Variants in INPP4B observed in about 807,000 individuals in gnomAD.
INPP4B encodes the protein inositol polyphosphate-4-phosphatase type II B.
Under a neutral mutation model 122.5 loss-of-function variants are expected in INPP4B, and 55 were observed. The ratio of observed to expected loss-of-function variants is 0.45; its 90% CI spans 0.36 to 0.56. The LOEUF (loss-of-function observed/expected upper bound fraction) is 0.56, where lower values mean the gene tolerates loss of function less well. Among genes scored for constraint, INPP4B ranks in the 20% least tolerant of loss-of-function variants. The pLI is 0.00. For synonymous variants in INPP4B, 403 were observed against 388.7 expected (o/e 1.04, Z -0.43); for missense variants, 1,000 against 1,097.7 (o/e 0.91, Z 1.26).
chr4:142,253,250 G>C (rs776661522), intron 11 of INPP4B, among the ~76,000 whole-genome samples: 2 of 152,162 alleles, frequency 1.3e-5, no homozygotes, highest in South Asian at 4.1e-4. Flanking sequence ...TGAAGTCCTA[G>C]AACATTACCA....
At chr4:142,325,318 G>A (rs1771907519) in intron 7 of INPP4B, among the ~76,000 whole-genome samples, 1 of 151,400 alleles carries the variant, frequency 6.6e-6, no homozygotes, top group Non-Finnish European at 1.5e-5. Context: ...TGTAACTGGA[G>A]AGGAAAAAAT....
intron 2 of INPP4B, among the ~76,000 whole-genome samples, chr4:142,703,126 A>G (rs1237886848): frequency 6.6e-6 from 1 of 152,152 alleles, no homozygotes; most frequent in East Asian, 1.9e-4. Flanking sequence ...CTTGGTACAG[A>G]ACCTGTTACT....
intron 11 of INPP4B, among the ~76,000 whole-genome samples, chr4:142,246,404 G>C (rs1728844949): frequency 6.6e-6 from 1 of 152,104 alleles, no homozygotes. Flanking sequence ...CCACTTTCAT[G>C]ATATTAATTC....
At chr4:142,558,149 A>G (rs1729621626) in intron 2 of INPP4B, among the ~76,000 whole-genome samples, 2 of 152,186 alleles carry the variant, frequency 1.3e-5, no homozygotes, top group African/African-American at 4.8e-5. Context: ...CTTCTGGAAG[A>G]GCCCACAAGT....
At chr4:142,819,588 GCTGCAAATTCTAT>G (rs1231410210) in intron 1 of INPP4B, among the ~76,000 whole-genome samples, 2 of 152,112 alleles carry the variant, frequency 1.3e-5, no homozygotes, top group Non-Finnish European at 2.9e-5. Context: ...TAATTTTTGT[GCTGCAAATTCTAT>G]CTGCATTCCT....
chr4:142,268,600 A>G (rs1223430061), intron 10 of INPP4B, among the ~76,000 whole-genome samples: 1 of 152,068 alleles, frequency 6.6e-6, no homozygotes, highest in African/African-American at 2.4e-5. Flanking sequence ...TGTGGAAGCA[A>G]TCTTAGTGTC....
chr4:142,141,934 A>T (rs542989625), intron 18 of INPP4B, among the ~76,000 whole-genome samples: 3 of 152,218 alleles, frequency 2.0e-5, no homozygotes, highest in African/African-American at 4.8e-5. Flanking sequence ...GTATCCCAAC[A>T]TAAATCACAA....
intron 2 of INPP4B, among the ~76,000 whole-genome samples, chr4:142,695,955 G>A (rs910451299): frequency 6.6e-6 from 1 of 152,148 alleles, no homozygotes; most frequent in Non-Finnish European, 1.5e-5. Flanking sequence ...GGCGGGCCAG[G>A]ATAATCCAAA....
intron 1 of INPP4B, among the ~76,000 whole-genome samples, chr4:142,778,351 A>G (rs1774257743): frequency 6.6e-6 from 1 of 152,162 alleles, no homozygotes; most frequent in Non-Finnish European, 1.5e-5. Context: ...TTAATCATCC[A>G]AGAACACGCT....
At chr4:142,711,992 G>A (rs914276209) in intron 2 of INPP4B, among the ~76,000 whole-genome samples, 1 of 152,154 alleles carries the variant, frequency 6.6e-6, no homozygotes, top group African/African-American at 2.4e-5. Flanking sequence ...AGGTTTCAGT[G>A]AGCTGAGATT....
At chr4:142,736,660 C>CT (rs1766956795) in intron 1 of INPP4B, among the ~76,000 whole-genome samples, 1 of 152,152 alleles carries the variant, frequency 6.6e-6, no homozygotes, top group South Asian at 2.1e-4. Flanking sequence ...TATCCTGAGA[C>CT]TTTGCTGAAG....
intron 12 of INPP4B, among the ~76,000 whole-genome samples, chr4:142,236,928 G>A (rs1364578753): frequency 6.6e-6 from 1 of 152,148 alleles, no homozygotes; most frequent in East Asian, 1.9e-4. Context: ...CGCTTTAAAA[G>A]TTGCTAATTT....
At chr4:142,590,656 G>T (rs1001781517) in intron 2 of INPP4B, among the ~76,000 whole-genome samples, 1 of 151,686 alleles carries the variant, frequency 6.6e-6, no homozygotes, top group Admixed American at 6.6e-5. Context: ...AGATTAATAG[G>T]TATAAACTAA....
chr4:142,598,853 A>G (rs1446586265), intron 2 of INPP4B, among the ~76,000 whole-genome samples: 1 of 152,060 alleles, frequency 6.6e-6, no homozygotes, highest in Non-Finnish European at 1.5e-5. Context: ...CAGGCCTACC[A>G]CTACCGCTGC....
chr4:142,240,190 A>C (rs1275631046), intron 11 of INPP4B, among the ~76,000 whole-genome samples: 9 of 149,316 alleles, frequency 6.0e-5, no homozygotes, highest in Non-Finnish European at 1.2e-4. Context: ...GGAGCATGCC[A>C]GTTTTTTTTT....
At chr4:142,735,604 G>A (rs1766741046) in intron 1 of INPP4B, among the ~76,000 whole-genome samples, 1 of 152,258 alleles carries the variant, frequency 6.6e-6, no homozygotes, top group South Asian at 2.1e-4. Flanking sequence ...AAGATTTGAA[G>A]GCAGGGAGCT....
chr4:142,203,083 G>T (rs2149466322), intron 14 of INPP4B, among the ~76,000 whole-genome samples: 1 of 152,202 alleles, frequency 6.6e-6, no homozygotes, highest in East Asian at 1.9e-4. Flanking sequence ...GATTCAGCTT[G>T]GGTGAAGTGA....
At chr4:142,478,045 C>G (rs1010064501) in intron 2 of INPP4B, among the ~76,000 whole-genome samples, 1 of 152,142 alleles carries the variant, frequency 6.6e-6, no homozygotes, top group Non-Finnish European at 1.5e-5. Context: ...TCAAGCAATC[C>G]GCTCACCTAG....
At chr4:142,411,582 A>G (rs1372358666) in intron 5 of INPP4B, among the ~76,000 whole-genome samples, 2 of 152,084 alleles carry the variant, frequency 1.3e-5, no homozygotes, top group Non-Finnish European at 2.9e-5. Context: ...GCATCCTAGA[A>G]TAGAAAAGTG....
Sources: allele counts gnomAD v4.1 joint callset (sites outside exome capture counted in the v4.1 genomes callset), GRCh38; gene constraint gnomAD v4.1.1; transcripts MANE v1.5; gene names NCBI Gene and HGNC (gene_info 2026-07-23, HGNC 2026-07-21).